The following FLG2 variants were observed in gnomAD, a reference collection of about 807,000 sequenced individuals.
FLG2 encodes the protein filaggrin 2.
A neutral mutation model predicts 3.9 loss-of-function variants in FLG2; 7 were observed. The ratio of observed to expected loss-of-function variants is 1.79; its 90% CI spans 1.02 to 3.36. The LOEUF is 3.36. Among genes scored for constraint, FLG2 ranks in the 30% most tolerant of loss-of-function variants. The pLI is 0.00. For missense variants in FLG2, 2,700 were observed against 2,809.4 expected, an observed-to-expected ratio of 0.96 and a Z score of 0.88; for synonymous variants, 1,031 against 1,056.1, an observed-to-expected ratio of 0.98 and a Z score of 0.46.
chr1:152,354,306 G>A lies in FLG2; in HGVS notation c.3480C>T (p.Ser1160=), dbSNP rs1424240415. The stretch of plus-strand genomic sequence containing the variant: ...GTTGGCCACAGCCAGATGATTGACT[G>A]GAGCCAGTACCATGTTGGCCATAGC... ...QSSYGQHGTG[S]SQSSGCGQHE... The change falls in exon 3 of 3, where the codon TCC becomes TCT. Residue 1160 remains serine, a synonymous_variant. Coordinates refer to ENST00000388718, the MANE Select transcript of FLG2 (RefSeq NM_001014342.3). The A allele has an allele frequency of 1.2e-6, 2 of 1,613,986 alleles. No homozygotes were observed. The highest frequency in any genetic ancestry group is 1.7e-5 in the Admixed American group (1 of 60,010).
At position 152,358,660 on chromosome 1, in the gene FLG2, G is replaced by A. The variant is rs1298603257; in HGVS notation, c.138+87C>T. 5 of 1,347,378 alleles carry A rather than the reference G, an allele frequency of 3.7e-6. No individual in the cohort carries two copies. The African/African-American group carries it at 7.4e-5, about 20-fold the overall frequency. The allele number at this position is 1,347,378 out of a possible 1,614,324, so 83.5% of individuals were successfully genotyped here. On this transcript the variant is annotated intron_variant, in intron 2 of 2. Coordinates refer to ENST00000388718, the MANE Select transcript of FLG2 (RefSeq NM_001014342.3). ...ATAGAGTTTGCTTAGAGTTCACTGGGGCTGTGCACTTTTTAGCTGATCTGG... is the reference window on the plus strand; with the variant it reads ...ATAGAGTTTGCTTAGAGTTCACTGGAGCTGTGCACTTTTTAGCTGATCTGG...
In FLG2 at chr1:152,354,414, C is replaced by A. The variant is rs1417290842; in HGVS notation, c.3372G>T (p.Gln1124His). The A allele has an allele frequency of 6.2e-7, 1 of 1,613,994 alleles. No individual in the cohort carries two copies. Among genetic ancestry groups the A allele is most frequent in the Non-Finnish European group, 8.5e-7 (1 of 1,179,990 alleles). ...ACCCATGTTGTCCAAAGCCAGAAGA[C>A]TGACCTGAGCCCGATCCATATTGGC... is the stretch of plus-strand genomic sequence containing the variant. ...GFGQYGSGSG[Q>H]SSGFGQHGSG... Residue 1124 changes from glutamine to histidine, a missense_variant, in exon 3 of 3, where the codon CAG becomes CAT. By Grantham distance (24) the Gln-to-His change is conservative (BLOSUM62 0). Transcript: ENST00000388718.
At position 152,358,873 on chromosome 1, in the gene FLG2, G is replaced by A. The variant is rs1434994236; in HGVS notation, c.12C>T (p.Leu4=). The A allele has an allele frequency of 1.2e-6, 2 of 1,612,606 alleles. No individual in the cohort carries two copies. The highest frequency in any genetic ancestry group is 2.2e-5 in the South Asian group (2 of 90,576). The change falls in exon 2 of 3, where the codon CTC becomes CTT. Residue 4 remains leucine (L), a synonymous_variant. Coordinates refer to ENST00000388718, the MANE Select transcript of FLG2 (RefSeq NM_001014342.3). ...CAATTACGGTGACAACACTTCTCAA[G>A]AGGTCGGTCATCTTTTTGCAAGTTT... is the stretch of plus-strand genomic sequence containing the variant. MTD[L]LRSVVTVIDV...
At position 152,353,612 on chromosome 1, in the gene FLG2, A is replaced by C; in HGVS notation, c.4174T>G (p.Tyr1392Asp). 1 of 1,597,242 alleles carries C rather than the reference A, an allele frequency of 6.3e-7. No individual in the cohort carries two copies. Among genetic ancestry groups the C allele is most frequent in the Non-Finnish European group, 8.5e-7 (1 of 1,174,006 alleles). ...CCAGTGGCCTCTCCTGTCTGTCCAT[A>C]AGTAGTTTCATGTCTCTCATGAACT... ...STVHERHETT[Y>D]GQTGEATGHG... The change falls in exon 3 of 3, where the codon TAT becomes GAT. Residue 1392 changes from tyrosine to aspartate, a missense_variant. Physicochemically the swap from Tyr to Asp is radical, Grantham distance 160. Transcript: ENST00000388718.
At position 152,354,225 on chromosome 1, in the gene FLG2, G is replaced by T; in HGVS notation, c.3561C>A (p.Asp1187Glu). 1 of 1,614,000 alleles carries T rather than the reference G, an allele frequency of 6.2e-7. No individual in the cohort carries two copies. Among genetic ancestry groups the T allele is most frequent in the Non-Finnish European group, 8.5e-7 (1 of 1,179,950 alleles). ...TATGTTGTCCAGAACTAGAGAAATT[G>T]TCTGAGCCAGACACATGCTGTCCAA... ...TSFGQHVSGS[D>E]NFSSSGQHIS... The change falls in exon 3 of 3, where the codon GAC (aspartate) becomes GAA (glutamate). Residue 1187 changes from aspartate (D) to glutamate (E), a missense_variant. Asp to Glu is a conservative substitution (Grantham distance 45). Coordinates refer to ENST00000388718, the MANE Select transcript of FLG2 (RefSeq NM_001014342.3).
rs148579744 is a variant in FLG2, at chr1:152,351,836, G to C, written c.5950C>G (p.Pro1984Ala). The C allele has an allele frequency of 7.6e-5, 122 of 1,603,310 alleles. 7 individuals are homozygous for C. The African/African-American group carries it at 1.5e-3, about 20-fold the overall frequency. Reference protein sequence around the residue: ...HTHGQAGSHYPESGSSVHERH... With the variant: ...HTHGQAGSHYAESGSSVHERH... ...TCATGAACTGAGGATCCTGACTCTG[G>C]ATAGTGAGATCCAGCTTGACCGTGA... Residue 1984 changes from proline to alanine, a missense_variant, in exon 3 of 3, where the codon CCA becomes GCA. Physicochemically the swap from Pro to Ala is conservative, Grantham distance 27. Transcript: ENST00000388718.
rs534794093 is a variant in FLG2 at position 152,355,955 on chromosome 1, A to G, written c.1831T>C (p.Ser611Pro). The G allele has an allele frequency of 7.6e-5, 122 of 1,607,554 alleles. 1 individual carries two copies. The highest frequency in any genetic ancestry group is 9.7e-5 in the Non-Finnish European group (114 of 1,177,432). ...CCATAACTAGACTGACCTGATCTAG[A>G]CTCATGTTGTCCAAAGCCAGAGGAT... Reference protein sequence around the residue: ...GQSSGFGQHESRSGQSSYGQH... With the variant: ...GQSSGFGQHEPRSGQSSYGQH... The change falls in exon 3 of 3, where the codon TCT (serine) becomes CCT (proline). Residue 611 changes from serine to proline, a missense_variant. Coordinates refer to ENST00000388718, the MANE Select transcript of FLG2 (RefSeq NM_001014342.3).
intron 1 of FLG2, 96 bp from the exon 2 acceptor site, chr1:152,359,002 C>G: frequency 1.7e-6 from 2 of 1,193,408 alleles, no homozygotes; most frequent in South Asian, 3.2e-5. Context: ...TTTTTAACCT[C>G]TTGTTTTTTA....
At chr1:152,358,616 C>T in intron 2 of FLG2, 131 bp downstream of exon 2, 1 of 804,008 alleles carries the variant, frequency 1.2e-6, no homozygotes, top group Non-Finnish European at 1.9e-6. Context: ...GACTTTCTGG[C>T]ATCCCCAAAA....
In FLG2 at chr1:152,354,493, T is replaced by C. The variant is rs1654113818; in HGVS notation, c.3293A>G (p.Gln1098Arg). 1 of 1,613,860 alleles carries C rather than the reference T, an allele frequency of 6.2e-7. No individual in the cohort carries two copies. The highest frequency in any genetic ancestry group is 8.5e-7 in the Non-Finnish European group (1 of 1,179,966). Residue 1098 changes from glutamine to arginine, a missense_variant, in exon 3 of 3, where the codon CAG becomes CGG. Coordinates refer to ENST00000388718, the MANE Select transcript of FLG2 (RefSeq NM_001014342.3). Reference sequence around the variant, plus strand: ...CCTGTGTTGTCCAAATCCAGATGTCTGTCCTGAATTTGACCCATGTTGACC... The same window carrying C: ...CCTGTGTTGTCCAAATCCAGATGTCCGTCCTGAATTTGACCCATGTTGACC... ...GYGQHGSNSG[Q>R]TSGFGQHRPG...
At position 152,350,933 on chromosome 1, in the gene FLG2, G is replaced by T. The variant is rs757009784; in HGVS notation, c.6853C>A (p.Gln2285Lys). The change falls in exon 3 of 3, where the codon CAG becomes AAG. Residue 2285 changes from glutamine (Q) to lysine (K), a missense_variant. Physicochemically the swap from Gln to Lys is moderately conservative, Grantham distance 53. Coordinates refer to ENST00000388718, the MANE Select transcript of FLG2 (RefSeq NM_001014342.3). ...IQGQAGSQQR[Q>K]PGSTVHGRLE... Reference sequence around the variant, plus strand: ...CTCCCATGAACTGTGGATCCTGGCTGTCTTTGTTGAGATCCAGCTTGGCCC... The same window carrying T: ...CTCCCATGAACTGTGGATCCTGGCTTTCTTTGTTGAGATCCAGCTTGGCCC... The T allele has an allele frequency of 5.6e-6, 9 of 1,613,408 alleles. No homozygotes were observed. Among genetic ancestry groups the T allele is most frequent in the Non-Finnish European group, 6.8e-6 (8 of 1,179,620 alleles).
rs1557894039 is a variant in FLG2 at position 152,351,218 on chromosome 1, A to G, written c.6568T>C (p.Ser2190Pro). Residue 2190 changes from serine (S) to proline (P), a missense_variant, in exon 3 of 3, where the codon TCA becomes CCA. Transcript: ENST00000388718. ...HSESSDSEVH[S>P]EASPTHSGHT... ...CCTGAATGTGTGGGTGAGGCCTCTG[A>G]GTGCACTTCACTATCACTGGACTCA... The G allele has an allele frequency of 6.2e-7, 1 of 1,612,978 alleles. No individual in the cohort carries two copies. Among genetic ancestry groups the G allele is most frequent in the African/African-American group, 1.3e-5 (1 of 74,554 alleles).
Position 152,357,545 on chromosome 1 carries a change from G to A in FLG2, c.241C>T (p.Leu81=), listed in dbSNP as rs757178239. The A allele has an allele frequency of 8.1e-6, 13 of 1,613,812 alleles. No individual in the cohort carries two copies. The Admixed American group carries it at 1.5e-4, about 19-fold the overall frequency. The change falls in exon 3 of 3, where the codon CTG becomes TTG. Residue 81 remains leucine, a synonymous_variant. Coordinates refer to ENST00000388718, the MANE Select transcript of FLG2 (RefSeq NM_001014342.3). ...FTEFLLMIFK[L]TMACNKVLSK... is the part of the protein sequence containing the mutation. ...AGGACCTTGTTGCAGGCCATAGTCA[G>A]CTTGAATATCATCAAAAGAAACTCA...
At position 152,351,111 on chromosome 1, in the gene FLG2, C is replaced by T. The variant is rs951122213; in HGVS notation, c.6675G>A (p.Gln2225=). 1.2e-6 allele frequency: 2 copies of T among 1,613,840 alleles called. No individual in the cohort carries two copies. Among genetic ancestry groups the T allele is most frequent in the African/African-American group, 1.3e-5 (1 of 74,828 alleles). ...GGGCATGTCTAGTGGTATCTCCTGT[C>T]TGTCCATGAGTAGTTCCCTGTCTCC... ...GHGRQGTTHG[Q]TGDTTRHAHY... The change falls in exon 3 of 3, where the codon CAG becomes CAA. Residue 2225 remains glutamine (Q), a synonymous_variant. Coordinates refer to ENST00000388718, the MANE Select transcript of FLG2 (RefSeq NM_001014342.3).
rs573218965 is a variant in FLG2, at chr1:152,357,549, G to A, written c.237C>T (p.Phe79=). 3.8e-5 allele frequency: 62 copies of A among 1,613,970 alleles called. No individual in the cohort carries two copies. The South Asian group carries it at 4.0e-4, about 10-fold the overall frequency. Residue 79 remains phenylalanine, a synonymous_variant, in exon 3 of 3, where the codon TTC becomes TTT. Transcript: ENST00000388718. Reference sequence around the variant, plus strand: ...CCTTGTTGCAGGCCATAGTCAGCTTGAATATCATCAAAAGAAACTCAGTAA... The same window carrying A: ...CCTTGTTGCAGGCCATAGTCAGCTTAAATATCATCAAAAGAAACTCAGTAA... The part of the protein sequence containing the change: ...LDFTEFLLMI[F]KLTMACNKVL...
chr1:152,356,519 A>G lies in FLG2; in HGVS notation c.1267T>C (p.Ser423Pro), dbSNP rs1654240132. 1.2e-6 allele frequency: 2 copies of G among 1,614,226 alleles called. No homozygotes were observed. The highest frequency in any genetic ancestry group is 4.5e-5 in the East Asian group (2 of 44,886). The part of the protein sequence containing the change: ...FSKCDQYGSG[S>P]SQSTSFEQHG... ...TGTTCAAAGCTAGTAGACTGACTTG[A>G]ACCAGACCCATATTGATCACATTTG... Residue 423 changes from serine to proline, a missense_variant, in exon 3 of 3, where the codon TCA becomes CCA. By Grantham distance (74) the Ser-to-Pro change is moderately conservative. Coordinates refer to ENST00000388718, the MANE Select transcript of FLG2 (RefSeq NM_001014342.3).
intron 1 of FLG2, among the ~76,000 whole-genome samples, 195 bp from the exon 2 acceptor site, chr1:152,359,101 G>A (rs1010521333): frequency 1.3e-5 from 2 of 152,090 alleles, no homozygotes; most frequent in African/African-American, 2.4e-5. Context: ...TTACTTTTCT[G>A]TGATCAAGTC....
rs1315241635 is a variant in FLG2 at position 152,353,945 on chromosome 1, G to A, written c.3841C>T (p.His1281Tyr). ...GAATGTCTGTGTGAGACCTTTGAGT[G>A]CACTTCACTGTCACTGTTCTCACTT... ...SQSENSDSEV[H>Y]SKVSHRHSEH... is the part of the protein sequence containing the mutation. Residue 1281 changes from histidine to tyrosine, a missense_variant, in exon 3 of 3, where the codon CAC (histidine) becomes TAC (tyrosine). His to Tyr is a moderately conservative substitution (Grantham distance 83). Coordinates refer to ENST00000388718, the MANE Select transcript of FLG2 (RefSeq NM_001014342.3). The A allele has an allele frequency of 1.9e-6, 3 of 1,614,066 alleles. No individual in the cohort carries two copies. Among genetic ancestry groups the A allele is most frequent in the South Asian group, 1.1e-5 (1 of 91,082 alleles).
In FLG2 at chr1:152,350,490, C is replaced by T; in HGVS notation, c.*120G>A. 7.0e-6 allele frequency: 9 copies of T among 1,277,562 alleles called. No homozygotes were observed. The highest frequency in any genetic ancestry group is 8.5e-6 in the Non-Finnish European group (8 of 939,714). 79.1% of individuals were successfully genotyped at this position (1,277,562 alleles called of 1,614,324 possible). A position where few individuals can be genotyped will look rare whatever the true frequency, so the allele number is the denominator to read the frequency against. ...GACTTCTTATAATAATAGGTCGAGA[C>T]TGATACTGAGAATCAACTGAATGTT... On this transcript the variant is annotated 3_prime_UTR_variant, in exon 3 of 3. Coordinates refer to ENST00000388718, the MANE Select transcript of FLG2 (RefSeq NM_001014342.3).
Sources: allele counts gnomAD v4.1 joint callset (sites outside exome capture counted in the v4.1 genomes callset), GRCh38; gene constraint gnomAD v4.1.1; transcripts MANE v1.5; gene names NCBI Gene and HGNC (gene_info 2026-07-23, HGNC 2026-07-21).